Variants in EZH2 observed in about 807,000 individuals in gnomAD.
EZH2 encodes enhancer of zeste 2 polycomb repressive complex 2 subunit, also known as histone-lysine N-methyltransferase EZH2.
EZH2 carries 18 observed loss-of-function variants against 98.4 expected under a neutral mutation model. The observed-to-expected ratio is 0.18, with a 90% CI of 0.13 to 0.27. The LOEUF (loss-of-function observed/expected upper bound fraction) is 0.27. EZH2 is among the 10% of genes least tolerant of loss of function. The pLI is 1.00. For synonymous variants in EZH2, 338 were observed against 312.3 expected (o/e 1.08, Z -0.87); for missense variants, 470 against 935.1 (o/e 0.50, Z 6.49).
intron 3 of EZH2, among the ~76,000 whole-genome samples, chr7:148,839,496 T>C (rs1438081707): frequency 7.2e-6 from 1 of 138,834 alleles, no homozygotes; most frequent in African/African-American, 2.7e-5. Flanking sequence ...AAAAACTGTA[T>C]AACCAAGATA....
chr7:148,817,895 C>T lies in EZH2; in HGVS notation c.1222G>A (p.Glu408Lys), dbSNP rs2129471644. 6.2e-7 allele frequency: 1 copy of T among 1,614,174 alleles called. No individual in the cohort carries two copies. Among genetic ancestry groups the T allele is most frequent in the Non-Finnish European group, 8.5e-7 (1 of 1,180,026 alleles). The change falls in exon 10 of 20, where the codon GAA becomes AAA. Residue 408 changes from glutamate (E) to lysine (K), a missense_variant. Around this residue, in one of 6 missense-constraint regions of EZH2, gnomAD observed 192 missense variants for 306.8 expected, o/e 0.63. Transcript: ENST00000320356. ...GTCTTACCAGAGGAGCTCGAAGTTTCATCTTTCTTCTCTTCTTCTTCTTTA... is the reference window on the plus strand; with the variant it reads ...GTCTTACCAGAGGAGCTCGAAGTTTTATCTTTCTTCTCTTCTTCTTCTTTA... ...NDKEEEEKKD[E>K]TSSSSEANSR... is the part of the protein sequence containing the mutation.
chr7:148,851,956 C>T (rs1180937430), intron 1 of EZH2, among the ~76,000 whole-genome samples: 1 of 152,202 alleles, frequency 6.6e-6, no homozygotes, highest in African/African-American at 2.4e-5. Context: ...TGAATGGACA[C>T]TGTGTAAATA....
intron 1 of EZH2, among the ~76,000 whole-genome samples, chr7:148,872,365 TA>T (rs1563071960): frequency 9.2e-5 from 14 of 152,172 alleles, no homozygotes; most frequent in Non-Finnish European, 1.6e-4. Flanking sequence ...GCTCAATGGG[TA>T]CAGAATTTCA....
intron 8 of EZH2, among the ~76,000 whole-genome samples, chr7:148,822,095 C>G (rs906809938): frequency 6.6e-6 from 1 of 152,060 alleles, no homozygotes; most frequent in African/African-American, 2.4e-5. Context: ...ATATTAAATT[C>G]CAAATGGATC....
chr7:148,814,253 T>C, intron 14 of EZH2, 116 bp from the exon 15 acceptor site: 1 of 846,874 alleles, frequency 1.2e-6, no homozygotes, highest in Non-Finnish European at 1.9e-6. Flanking sequence ...CACAACCACC[T>C]TATTACCCTA....
Position 148,860,808 on chromosome 7 carries a change from A to C in EZH2, c.-7-13503T>G, listed in dbSNP as rs182845900. ...CATCTCAACTTCCCAGGTAGCTGGGACCACATGTGCACACTACCATGTCTG... is the reference window on the plus strand; with the variant it reads ...CATCTCAACTTCCCAGGTAGCTGGGCCCACATGTGCACACTACCATGTCTG... On this transcript the variant is annotated intron_variant, in intron 1 of 19. Transcript: ENST00000320356. Among the ~76,000 whole-genome samples, 30 of 152,144 alleles carry C rather than the reference A, an allele frequency of 2.0e-4. No individual in the cohort carries two copies. The East Asian group carries it at 5.2e-3, about 26-fold the overall frequency.
At chr7:148,819,092 G>C in intron 9 of EZH2, 1 of 456,200 alleles carries the variant, frequency 2.2e-6, no homozygotes. Flanking sequence ...GTAAAAATAA[G>C]AGAGTACCCG....
At chr7:148,845,231 A>G (rs192305800) in intron 3 of EZH2, among the ~76,000 whole-genome samples, 1 of 152,294 alleles carries the variant, frequency 6.6e-6, no homozygotes, top group African/African-American at 2.4e-5. Flanking sequence ...AAGGTCACCA[A>G]ATAAAAACTT....
At chr7:148,852,004 T>C (rs1585195687) in intron 1 of EZH2, among the ~76,000 whole-genome samples, 1 of 152,250 alleles carries the variant, frequency 6.6e-6, no homozygotes, top group South Asian at 2.1e-4. Flanking sequence ...TTGTTTAGTT[T>C]CATAGGTGAA....
intron 3 of EZH2, among the ~76,000 whole-genome samples, chr7:148,845,250 A>G (rs902655640): frequency 2.0e-5 from 3 of 152,208 alleles, no homozygotes; most frequent in African/African-American, 4.8e-5. Context: ...TTTCAAAGCA[A>G]TTACTTAAAA....
intron 1 of EZH2, among the ~76,000 whole-genome samples, chr7:148,866,456 T>C (rs1818454028): frequency 6.8e-6 from 1 of 147,454 alleles, no homozygotes; most frequent in Non-Finnish European, 1.5e-5. Flanking sequence ...GCAGGTACCT[T>C]GATCTTAAAC....
At chr7:148,868,439 A>C (rs1402262545) in intron 1 of EZH2, among the ~76,000 whole-genome samples, 2 of 152,158 alleles carry the variant, frequency 1.3e-5, no homozygotes. Flanking sequence ...ATAATTTTAA[A>C]CAACCAGATC....
At chr7:148,873,748 TC>T (rs11300276) in intron 1 of EZH2, among the ~76,000 whole-genome samples, 1,842 of 151,794 alleles carry the variant, frequency 0.012, 36 homozygotes, top group African/African-American at 0.042. Flanking sequence ...GTCTCCCAAG[TC>T]CCAAATCAAC....
At chr7:148,813,766 G>C (rs953954907) in intron 15 of EZH2, among the ~76,000 whole-genome samples, 193 bp downstream of exon 15, 2 of 152,090 alleles carry the variant, frequency 1.3e-5, no homozygotes, top group African/African-American at 2.4e-5. Flanking sequence ...AGAGTATGGT[G>C]CTCTATATAA....
At chr7:148,853,196 G>A (rs980484476) in intron 1 of EZH2, among the ~76,000 whole-genome samples, 3 of 152,142 alleles carry the variant, frequency 2.0e-5, no homozygotes, top group Non-Finnish European at 4.4e-5. Context: ...CAGATCACTT[G>A]AGGTCAGGAA....
intron 19 of EZH2, 73 bp from the exon 20 acceptor site, chr7:148,807,779 G>A (rs1403934385): frequency 3.7e-6 from 3 of 812,692 alleles, no homozygotes; most frequent in South Asian, 1.7e-5. Context: ...ACACAACAAA[G>A]CCTGCTGAAG....
chr7:148,826,282 A>T (rs1807678432), intron 8 of EZH2, among the ~76,000 whole-genome samples, 172 bp downstream of exon 8: 1 of 152,178 alleles, frequency 6.6e-6, no homozygotes, highest in Non-Finnish European at 1.5e-5. Flanking sequence ...CATGCAAAAG[A>T]TTTCAGAGCA....
chr7:148,857,745 C>T (rs747673111), intron 1 of EZH2, among the ~76,000 whole-genome samples: 1 of 150,682 alleles, frequency 6.6e-6, no homozygotes, highest in Non-Finnish European at 1.5e-5. Context: ...AGCGAGACTC[C>T]GTCCCAAATA....
At chr7:148,874,320 G>A (rs1301894604) in intron 1 of EZH2, among the ~76,000 whole-genome samples, 1 of 152,166 alleles carries the variant, frequency 6.6e-6, no homozygotes, top group Non-Finnish European at 1.5e-5. Flanking sequence ...CCCAGGAGGT[G>A]GAGGTTGCAG....
Sources: allele counts gnomAD v4.1 joint callset (sites outside exome capture counted in the v4.1 genomes callset), GRCh38; gene constraint gnomAD v4.1.1; regional missense constraint gnomAD v4.1.1; transcripts MANE v1.5; gene names NCBI Gene and HGNC (gene_info 2026-07-23, HGNC 2026-07-21).